Variants in EFR3B observed in about 807,000 individuals in gnomAD.
EFR3B encodes EFR3 homolog B.
Under a neutral mutation model 104.7 loss-of-function variants are expected in EFR3B, and 64 were observed. That is an observed-to-expected ratio of 0.61 (90% CI 0.50 to 0.75). The LOEUF (loss-of-function observed/expected upper bound fraction) is 0.75, where lower values mean the gene tolerates loss of function less well. Among genes scored for constraint, EFR3B ranks in the 30% least tolerant of loss-of-function variants. EFR3B has a pLI of 0.00. For missense variants in EFR3B, 750 were observed against 1,078.5 expected, an observed-to-expected ratio of 0.70 and a Z score of 4.27; for synonymous variants, 385 against 417.9, an observed-to-expected ratio of 0.92 and a Z score of 0.96.
chr2:25,097,519 A>G (rs548758546), intron 3 of EFR3B, among the ~76,000 whole-genome samples: 1 of 152,224 alleles, frequency 6.6e-6, no homozygotes, highest in South Asian at 2.1e-4. Context: ...CAGGGGCAGA[A>G]CCACCCTCAT....
chr2:25,105,598 C>A (rs1382125517), intron 4 of EFR3B, among the ~76,000 whole-genome samples: 1 of 152,230 alleles, frequency 6.6e-6, no homozygotes, highest in African/African-American at 2.4e-5. Flanking sequence ...TCCCTGGGAG[C>A]CAGCTGCCTT....
At position 25,137,637 on chromosome 2, in the gene EFR3B, GC is replaced by G; in HGVS notation, c.1722+137del. On this transcript the variant is annotated intron_variant, in intron 15 of 22. Coordinates refer to ENST00000403714, the MANE Select transcript of EFR3B (RefSeq NM_014971.2). The surrounding 1 kb of genome is among the most constrained non-coding windows in gnomAD (Gnocchi z 4.7). ...CCCAGGAATATTGTACTCGTGGTTG[GC>G]CACGCCTCCCTGAAGACCCCAAACC... 1 of 1,295,882 alleles carries G rather than the reference GC, an allele frequency of 7.7e-7. No homozygotes were observed. Among genetic ancestry groups the G allele is most frequent in the Non-Finnish European group, 1.0e-6 (1 of 952,762 alleles). 80.3% of individuals were successfully genotyped at this position (1,295,882 alleles called of 1,614,324 possible). A position where few individuals can be genotyped will look rare whatever the true frequency, so the allele number is the denominator to read the frequency against.
intron 20 of EFR3B, among the ~76,000 whole-genome samples, chr2:25,150,276 G>A (rs536302586): frequency 1.3e-5 from 2 of 149,876 alleles, no homozygotes; most frequent in Non-Finnish European, 3.0e-5. Context: ...CTCCAGCCTG[G>A]GTGACAGAGC....
At chr2:25,141,673 C>T (rs373821550) in intron 17 of EFR3B, among the ~76,000 whole-genome samples, 6 of 152,316 alleles carry the variant, frequency 3.9e-5, no homozygotes, top group Admixed American at 1.3e-4. Context: ...ACACAGCCTC[C>T]GGGGGCTTTG....
intron 11 of EFR3B, 151 bp from the exon 12 acceptor site, chr2:25,133,232 T>C: frequency 1.1e-6 from 1 of 939,018 alleles, no homozygotes. Context: ...AGTCATCTCT[T>C]GGTCGGCTTC....
At chr2:25,055,979 G>A (rs1174595701) in intron 1 of EFR3B, among the ~76,000 whole-genome samples, 1 of 152,112 alleles carries the variant, frequency 6.6e-6, no homozygotes, top group African/African-American at 2.4e-5. Context: ...CGGGAACTTT[G>A]GTATGTAGTA....
chr2:25,117,681 G>A (rs967535979), intron 4 of EFR3B, among the ~76,000 whole-genome samples: 1 of 152,012 alleles, frequency 6.6e-6, no homozygotes, highest in Non-Finnish European at 1.5e-5. Flanking sequence ...CAAAGTGCTG[G>A]GATTACAGGC....
chr2:25,142,954 A>C (rs1670712853), intron 17 of EFR3B, among the ~76,000 whole-genome samples: 2 of 150,394 alleles, frequency 1.3e-5, no homozygotes, highest in Non-Finnish European at 3.0e-5. Flanking sequence ...TAAAAAAAAA[A>C]AAAAAAAAAA....
chr2:25,042,262 T>A lies in EFR3B; in HGVS notation c.-51T>A. On this transcript the variant is annotated 5_prime_UTR_variant, in exon 1 of 23. Coordinates refer to ENST00000403714, the MANE Select transcript of EFR3B (RefSeq NM_014971.2). This position sits in a 1 kb window ranked among gnomAD's most constrained non-coding sequence, Gnocchi z 5.4. ...AAGGCGGGCGCCGCCGAGGGCTGGC[T>A]GGGAACGCCGCAGCGACGCCGGCCT... The A allele has an allele frequency of 7.6e-7, 1 of 1,309,598 alleles. No individual in the cohort carries two copies. The highest frequency in any genetic ancestry group is 3.6e-5 in the Admixed American group (1 of 27,584). The allele number at this position is 1,309,598 out of a possible 1,614,324, so 81.1% of individuals were successfully genotyped here. A position where few individuals can be genotyped will look rare whatever the true frequency, so the allele number is the denominator to read the frequency against.
intron 1 of EFR3B, among the ~76,000 whole-genome samples, chr2:25,088,131 A>G (rs549101556): frequency 5.2e-4 from 78 of 151,336 alleles, no homozygotes; most frequent in Admixed American, 1.6e-3. Flanking sequence ...CCCCTACCGC[A>G]TGGCAGCCAC....
chr2:25,115,281 A>G (rs956134461), intron 4 of EFR3B, among the ~76,000 whole-genome samples: 2 of 152,180 alleles, frequency 1.3e-5, no homozygotes, highest in African/African-American at 2.4e-5. Flanking sequence ...AGAAATCTGT[A>G]TTTTAAACAA....
chr2:25,080,283 C>CTTTTTTTTTTGTTTTTT, intron 1 of EFR3B: 1 of 154,476 alleles, frequency 6.5e-6, no homozygotes, highest in South Asian at 5.6e-5. Context: ...CTCCCCAAAG[C>CTTTTTTTTTTGTTTTTT]TTTTTTTTTT....
intron 4 of EFR3B, among the ~76,000 whole-genome samples, chr2:25,115,299 A>T (rs1402851393): frequency 3.3e-5 from 5 of 152,212 alleles, no homozygotes; most frequent in Non-Finnish European, 5.9e-5. Context: ...CAAGCTCCCT[A>T]GGTAGTTCTG....
At position 25,137,452 on chromosome 2, in the gene EFR3B, G is replaced by A; in HGVS notation, c.1672G>A (p.Ala558Thr). The A allele has an allele frequency of 6.4e-7, 1 of 1,551,760 alleles. No homozygotes were observed. The highest frequency in any genetic ancestry group is 1.2e-5 in the South Asian group (1 of 84,062). Residue 558 changes from alanine (A) to threonine (T), a missense_variant, in exon 15 of 23, where the codon GCT becomes ACT. Coordinates refer to ENST00000403714, the MANE Select transcript of EFR3B (RefSeq NM_014971.2). The surrounding 1 kb of genome is among the most constrained non-coding windows in gnomAD (Gnocchi z 4.7). ...GLLALISIEL[A>T]NEEVVVDLIR... ...GCTGGCCCTCATCAGCATCGAGCTG[G>A]CTAACGAGGAGGTGGTGGTGGACCT... is the stretch of plus-strand genomic sequence containing the variant.
At chr2:25,058,775 C>CA (rs748745340) in intron 1 of EFR3B, among the ~76,000 whole-genome samples, 1,369 of 104,128 alleles carry the variant, frequency 0.013, 46 homozygotes, top group African/African-American at 0.045. Flanking sequence ...CCCCCCCCCC[C>CA]AAAAAAAAAA....
chr2:25,116,631 AT>A (rs879647147), intron 4 of EFR3B, among the ~76,000 whole-genome samples: 312 of 146,106 alleles, frequency 2.1e-3, no homozygotes, highest in African/African-American at 5.7e-3. Context: ...CAAAAAAAAA[AT>A]TTTTTTTTTT....
chr2:25,142,816 C>T (rs370665366), intron 17 of EFR3B, among the ~76,000 whole-genome samples: 2 of 151,384 alleles, frequency 1.3e-5, no homozygotes, highest in East Asian at 1.9e-4. Flanking sequence ...TATGGTGGAG[C>T]GTACCTGTTG....
chr2:25,106,171 C>A, intron 4 of EFR3B, among the ~76,000 whole-genome samples: 1 of 152,264 alleles, frequency 6.6e-6, no homozygotes, highest in African/African-American at 2.4e-5. Flanking sequence ...AGAGTCTAGC[C>A]CGGGAGTTCC....
intron 1 of EFR3B, among the ~76,000 whole-genome samples, chr2:25,075,890 T>C (rs1668621591): frequency 6.6e-6 from 1 of 152,198 alleles, no homozygotes. Context: ...TCATGGAGCC[T>C]TGTCCTCGGG....
Sources: gnomAD v4.1 joint callset for allele counts (sites outside exome capture counted in the v4.1 genomes callset) on GRCh38, gnomAD v4.1.1 for gene constraint, Gnocchi (gnomAD v3.1) non-coding constraint, MANE v1.5 for transcripts, NCBI Gene and HGNC (gene_info 2026-07-23, HGNC 2026-07-21) for gene names.